Variants in ERC1 observed in about 807,000 individuals in gnomAD.
The protein encoded by ERC1 is ELKS/RAB6-interacting/CAST family member 1, also known as RAB6 interacting protein 2.
A neutral mutation model predicts 132.0 loss-of-function variants in ERC1; 56 were observed. The observed-to-expected ratio is 0.42, with a 90% confidence interval of 0.34 to 0.53. The LOEUF (loss-of-function observed/expected upper bound fraction) is 0.53. ERC1 is among the 20% of genes least tolerant of loss of function. The pLI is 0.03. For missense variants in ERC1, 1,202 were observed against 1,349.9 expected (o/e 0.89, Z 1.72); for synonymous variants, 478 against 476.1 (o/e 1.00, Z -0.05).
intron 8 of ERC1, among the ~76,000 whole-genome samples, chr12:1,153,688 A>T (rs1007899556): frequency 1.8e-4 from 28 of 152,224 alleles, no homozygotes; most frequent in Non-Finnish European, 7.3e-5. Context: ...AAACAAACGG[A>T]TCACTGTGAG....
chr12:1,022,397 G>T (rs1966515001), intron 1 of ERC1, among the ~76,000 whole-genome samples: 1 of 152,158 alleles, frequency 6.6e-6, no homozygotes, highest in African/African-American at 2.4e-5. Context: ...CTGGCTCAGG[G>T]TATGTAGTGA....
chr12:1,326,987 G>A (rs1190862073), intron 15 of ERC1, among the ~76,000 whole-genome samples: 1 of 151,982 alleles, frequency 6.6e-6, no homozygotes, highest in Non-Finnish European at 1.5e-5. Context: ...GACAAATTAT[G>A]TCTTAACATG....
chr12:990,184 A>T (rs1236586726), upstream of ERC1: 2 of 152,210 alleles, frequency 1.3e-5, no homozygotes, highest in Non-Finnish European at 2.9e-5. Flanking sequence ...GGCGGAGGTA[A>T]GCAGGAGTAA....
chr12:1,098,351 A>T (rs1227363867), intron 3 of ERC1, among the ~76,000 whole-genome samples: 1 of 152,230 alleles, frequency 6.6e-6, no homozygotes, highest in Non-Finnish European at 1.5e-5. Context: ...TGATTTGTGG[A>T]TATTTTATCA....
chr12:1,399,163 G>A (rs1479627567), intron 16 of ERC1, among the ~76,000 whole-genome samples: 3 of 151,532 alleles, frequency 2.0e-5, no homozygotes, highest in Non-Finnish European at 4.4e-5. Flanking sequence ...TGTTGCCCAG[G>A]CTGGTCTCAA....
At chr12:1,018,403 C>T (rs575512825) in intron 1 of ERC1, among the ~76,000 whole-genome samples, 34 of 152,012 alleles carry the variant, frequency 2.2e-4, no homozygotes, top group Non-Finnish European at 3.4e-4. Flanking sequence ...TTAGTAGAGA[C>T]GGGGTTTCGC....
chr12:1,407,787 C>CA (rs1244820318), intron 16 of ERC1, among the ~76,000 whole-genome samples: 1 of 152,164 alleles, frequency 6.6e-6, no homozygotes, highest in Non-Finnish European at 1.5e-5. Context: ...CCTCATATGA[C>CA]AGAGATATAA....
chr12:1,223,244 G>A (rs879930586), intron 12 of ERC1, among the ~76,000 whole-genome samples: 1 of 152,172 alleles, frequency 6.6e-6, no homozygotes, highest in Non-Finnish European at 1.5e-5. Context: ...AAAGTGGTAT[G>A]GGAGTTAGGA....
intron 1 of ERC1, among the ~76,000 whole-genome samples, chr12:1,019,877 G>A (rs1966079098): frequency 6.6e-6 from 1 of 151,998 alleles, no homozygotes; most frequent in Admixed American, 6.6e-5. Context: ...GAGTAGCTGG[G>A]ACTGCAGGCA....
At chr12:1,159,447 C>T (rs1355033077) in intron 8 of ERC1, among the ~76,000 whole-genome samples, 1 of 152,240 alleles carries the variant, frequency 6.6e-6, no homozygotes, top group Admixed American at 6.5e-5. Context: ...TCACCGCTTA[C>T]TTCCTGCTGT....
intron 14 of ERC1, among the ~76,000 whole-genome samples, chr12:1,281,120 T>C (rs1174427433): frequency 6.6e-6 from 1 of 152,190 alleles, no homozygotes; most frequent in African/African-American, 2.4e-5. Context: ...TCTGTTTTAC[T>C]CACATTATTT....
At chr12:1,396,943 A>G (rs1480973130) in intron 16 of ERC1, among the ~76,000 whole-genome samples, 3 of 152,062 alleles carry the variant, frequency 2.0e-5, no homozygotes, top group African/African-American at 7.2e-5. Flanking sequence ...CTCTGCCCTG[A>G]CTCTGGGAAG....
chr12:1,477,989 C>T (rs1393357398), intron 18 of ERC1, among the ~76,000 whole-genome samples: 3 of 152,158 alleles, frequency 2.0e-5, no homozygotes, highest in Non-Finnish European at 2.9e-5. Flanking sequence ...AATTGTTTAT[C>T]GTCTGTTTAT....
intron 3 of ERC1, among the ~76,000 whole-genome samples, chr12:1,091,910 AT>A (rs1026029225): frequency 1.6e-4 from 25 of 152,106 alleles, no homozygotes; most frequent in Non-Finnish European, 3.4e-4. Context: ...AGCACAAAGA[AT>A]TATGGGCTGG....
intron 4 of ERC1, among the ~76,000 whole-genome samples, chr12:1,107,192 C>G (rs1945356539): frequency 6.6e-6 from 1 of 152,060 alleles, no homozygotes; most frequent in Non-Finnish European, 1.5e-5. Flanking sequence ...TCTTCCTCCC[C>G]TTTCTCTACT....
chr12:1,305,568 A>G (rs1450044596), intron 15 of ERC1, among the ~76,000 whole-genome samples: 2 of 152,128 alleles, frequency 1.3e-5, no homozygotes, highest in Non-Finnish European at 2.9e-5. Context: ...ATTCTTTGTT[A>G]TTAGCACTTC....
chr12:1,144,650 G>GTATA lies in ERC1; in HGVS notation c.1737+2874_1737+2877dup, dbSNP rs750389201. Among the ~76,000 whole-genome samples, 578 of 140,212 alleles carry GTATA rather than the reference G, an allele frequency of 4.1e-3. 9 individuals are homozygous for GTATA. Among genetic ancestry groups the GTATA allele is most frequent in the African/African-American group, 0.015 (513 of 34,478 alleles). 92.0% of individuals were successfully genotyped at this position (140,212 alleles called of 152,430 possible). On this transcript the variant is annotated intron_variant, in intron 8 of 18. Coordinates refer to ENST00000360905, the MANE Select transcript of ERC1 (RefSeq NM_178040.4). ...TATATATATACGTGTATATATATAC[G>GTATA]TATATATATATATACACACCACATT...
At chr12:1,451,892 A>G (rs1443941542) in intron 18 of ERC1, among the ~76,000 whole-genome samples, 1 of 152,176 alleles carries the variant, frequency 6.6e-6, no homozygotes, top group Admixed American at 6.5e-5. Flanking sequence ...CATTAGGGTG[A>G]ACCCTAATCC....
chr12:1,211,798 G>A (rs1957904376), intron 12 of ERC1, among the ~76,000 whole-genome samples: 1 of 148,714 alleles, frequency 6.7e-6, no homozygotes, highest in African/African-American at 2.5e-5. Context: ...TTAAACTCCT[G>A]ATCTGAGGTG....
Sources: gnomAD v4.1 joint callset for allele counts (sites outside exome capture counted in the v4.1 genomes callset) on GRCh38, gnomAD v4.1.1 for gene constraint, MANE v1.5 for transcripts, NCBI Gene and HGNC (gene_info 2026-07-23, HGNC 2026-07-21) for gene names.